ENAM: variants seen among roughly 807,000 people sequenced by gnomAD.
ENAM encodes amelogenesis imperfecta 2, hypocalcification (autosomal dominant).
A neutral mutation model predicts 33.6 loss-of-function variants in ENAM; 21 were observed. The ratio of observed to expected loss-of-function variants is 0.63; its 90% confidence interval spans 0.44 to 0.90. The LOEUF (loss-of-function observed/expected upper bound fraction) is 0.90. Among genes scored for constraint, ENAM ranks in the 40% least tolerant of loss-of-function variants. ENAM has a pLI of 0.00. For missense variants in ENAM, 1,388 were observed against 1,366.9 expected, an observed-to-expected ratio of 1.02 and a Z score of -0.24; for synonymous variants, 473 against 468.4, an observed-to-expected ratio of 1.01 and a Z score of -0.13.
intron 5 of ENAM, among the ~76,000 whole-genome samples, chr4:70,633,776 T>A (rs1226016278): frequency 6.6e-6 from 1 of 152,178 alleles, no homozygotes; most frequent in African/African-American, 2.4e-5. Context: ...GATAAAAAAA[T>A]GGATTTAATG....
Position 70,643,528 on chromosome 4 carries a change from C to A in ENAM, c.2102C>A (p.Pro701His). 3 of 1,613,924 alleles carry A rather than the reference C, an allele frequency of 1.9e-6. No homozygotes were observed. Among genetic ancestry groups the A allele is most frequent in the Non-Finnish European group, 2.5e-6 (3 of 1,179,886 alleles). ...TCAAATCAGCCAAAGGAATATCTTC[C>A]CTATTCTTTAGATAATCCATCAAAA... ...YTSNQPKEYL[P>H]YSLDNPSKPR... The change falls in exon 9 of 9, where the codon CCC becomes CAC. Residue 701 changes from proline to histidine, a missense_variant. Pro to His is a moderately conservative substitution (Grantham distance 77, BLOSUM62 -2). Coordinates refer to ENST00000396073, the MANE Select transcript of ENAM (RefSeq NM_031889.3).
chr4:70,638,479 G>C (rs1161901498), intron 8 of ENAM, among the ~76,000 whole-genome samples: 1 of 87,112 alleles, frequency 1.1e-5, no homozygotes. Context: ...TTTTTTTTGA[G>C]ACAGGTGGGA....
chr4:70,642,513 T>G lies in ENAM; in HGVS notation c.1087T>G (p.Phe363Val). The G allele has an allele frequency of 6.2e-7, 1 of 1,614,170 alleles. No homozygotes were observed. The highest frequency in any genetic ancestry group is 8.5e-7 in the Non-Finnish European group (1 of 1,180,036). ...AGTTCAAAGGGGTCCTCGGTGGAAC[T>G]TCTTTGCTTGGGAACGTAAACAAGT... ...QQVQRGPRWN[F>V]FAWERKQVAR... Residue 363 changes from phenylalanine to valine, a missense_variant, in exon 9 of 9, where the codon TTC becomes GTC. Physicochemically the swap from Phe to Val is conservative, Grantham distance 50 (BLOSUM62 -1). Transcript: ENST00000396073.
At chr4:70,633,640 T>A (rs1388215182) in intron 5 of ENAM, among the ~76,000 whole-genome samples, 1 of 152,212 alleles carries the variant, frequency 6.6e-6, no homozygotes, top group African/African-American at 2.4e-5. Context: ...GCAAGACTGA[T>A]CATTCATAAA....
rs980801928 is a variant in ENAM, at chr4:70,646,271, T to A, written c.*1416T>A. 1.3e-5 allele frequency: 2 copies of A among 152,172 alleles called. No individual in the cohort carries two copies. The highest frequency in any genetic ancestry group is 3.8e-4 in the East Asian group (2 of 5,202). 9.4% of individuals were successfully genotyped at this position (152,172 alleles called of 1,614,324 possible). ...TCTTATTAATAACATGTTGGCCTAT[T>A]ATCTGGATGTCCCTTGCCTAGAGCA... is the stretch of plus-strand genomic sequence containing the variant. On this transcript the variant is annotated 3_prime_UTR_variant, in exon 9 of 9. Transcript: ENST00000396073.
In ENAM at chr4:70,643,068, T is replaced by C. The variant is rs900365060; in HGVS notation, c.1642T>C (p.Tyr548His). ...GCACAGCTCATATCAGCCTGCTGTA[T>C]ACCCTGAGGAAATCCCTTCTCCTGC... ...LKHSSYQPAV[Y>H]PEEIPSPAKE... The change falls in exon 9 of 9, where the codon TAC becomes CAC. Residue 548 changes from tyrosine (Y) to histidine (H), a missense_variant. Coordinates refer to ENST00000396073, the MANE Select transcript of ENAM (RefSeq NM_031889.3). The C allele has an allele frequency of 1.2e-6, 2 of 1,614,038 alleles. No homozygotes were observed. The highest frequency in any genetic ancestry group is 1.7e-5 in the Admixed American group (1 of 60,016).
chr4:70,638,301 C>A (rs2553320), intron 8 of ENAM, among the ~76,000 whole-genome samples: 28,697 of 151,884 alleles, frequency 0.19, 6,432 homozygotes, highest in African/African-American at 0.55. Context: ...AATATTCCAG[C>A]TCTATGTCAT....
At chr4:70,638,786 C>A (rs569542127) in intron 8 of ENAM, among the ~76,000 whole-genome samples, 66 of 148,670 alleles carry the variant, frequency 4.4e-4, no homozygotes, top group African/African-American at 1.6e-3. Flanking sequence ...TCTTTTCTTT[C>A]TTTCTTTCTT....
At position 70,642,498 on chromosome 4, in the gene ENAM, G is replaced by A. The variant is rs147295492; in HGVS notation, c.1072G>A (p.Gly358Ser). ...TTACAGAAATCAACAAGTTCAAAGGGGTCCTCGGTGGAACTTCTTTGCTTG... is the reference window on the plus strand; with the variant it reads ...TTACAGAAATCAACAAGTTCAAAGGAGTCCTCGGTGGAACTTCTTTGCTTG... ...PFYRNQQVQR[G>S]PRWNFFAWER... The change falls in exon 9 of 9, where the codon GGT becomes AGT. Residue 358 changes from glycine to serine, a missense_variant. Physicochemically the swap from Gly to Ser is moderately conservative, Grantham distance 56. Coordinates refer to ENST00000396073, the MANE Select transcript of ENAM (RefSeq NM_031889.3). 107 of 1,614,016 alleles carry A rather than the reference G, an allele frequency of 6.6e-5. No individual in the cohort carries two copies. In the East Asian group the frequency reaches 2.1e-3, roughly 32 times the overall value.
chr4:70,631,699 G>C lies in ENAM; in HGVS notation c.84G>C (p.Leu28=), dbSNP rs1314644856. 2 of 1,613,442 alleles carry C rather than the reference G, an allele frequency of 1.2e-6. No individual in the cohort carries two copies. The highest frequency in any genetic ancestry group is 1.7e-6 in the Non-Finnish European group (2 of 1,179,446). Residue 28 remains leucine (L), a synonymous_variant, in exon 3 of 9, where the codon CTG becomes CTC. Transcript: ENST00000396073. ...LVPKGKMKIL[L]VFLGLLGNSV... The stretch of plus-strand genomic sequence containing the variant: ...CAAAAGGCAAAATGAAGATTCTCCT[G>C]GTCTTTCTAGGGCTTCTTGGTAATT...
intron 5 of ENAM, among the ~76,000 whole-genome samples, chr4:70,633,533 A>G (rs919253691): frequency 3.3e-5 from 5 of 152,192 alleles, no homozygotes; most frequent in Admixed American, 6.5e-5. Flanking sequence ...AAGCGTGGGT[A>G]CATCATCTAA....
At position 70,635,524 on chromosome 4, in the gene ENAM, G is replaced by T. The variant is rs555309804; in HGVS notation, c.472-308G>T. ...TGATTTACGAGCAATGAGATTTTGGGCAAGTGACCAAACTTCTCTGAACTT... is the reference window on the plus strand; with the variant it reads ...TGATTTACGAGCAATGAGATTTTGGTCAAGTGACCAAACTTCTCTGAACTT... On this transcript the variant is annotated intron_variant, in intron 6 of 8. Transcript: ENST00000396073. Among the ~76,000 whole-genome samples, 4 of 152,284 alleles carry T rather than the reference G, an allele frequency of 2.6e-5. No homozygotes were observed. The East Asian group carries it at 7.7e-4, about 29-fold the overall frequency.
intron 1 of ENAM, among the ~76,000 whole-genome samples, 183 bp downstream of exon 1, chr4:70,629,147 T>C (rs1352026005): frequency 6.6e-6 from 1 of 152,152 alleles, no homozygotes; most frequent in African/African-American, 2.4e-5. Flanking sequence ...GTTTTTCTTG[T>C]AAGTTTTTTC....
intron 1 of ENAM, among the ~76,000 whole-genome samples, chr4:70,629,172 C>A (rs1411735685): frequency 1.3e-5 from 2 of 152,054 alleles, no homozygotes; most frequent in Non-Finnish European, 2.9e-5. Flanking sequence ...CTTCTTAGAC[C>A]TCCTTTACTA....
chr4:70,634,754 C>CTGT (rs1180936390), intron 6 of ENAM, among the ~76,000 whole-genome samples, 186 bp downstream of exon 6: 3 of 152,176 alleles, frequency 2.0e-5, no homozygotes, highest in African/African-American at 7.2e-5. Context: ...TACCCAAATA[C>CTGT]TGTTGCCTTT....
Position 70,628,764 on chromosome 4 carries a change from T to C in ENAM, c.-261T>C, listed in dbSNP as rs145814085. The C allele has an allele frequency of 6.6e-6, 1 of 152,316 alleles. No homozygotes were observed. The highest frequency in any genetic ancestry group is 1.5e-5 in the Non-Finnish European group (1 of 68,034). 9.4% of individuals were successfully genotyped at this position (152,316 alleles called of 1,614,324 possible). A position where few individuals can be genotyped will look rare whatever the true frequency, so the allele number is the denominator to read the frequency against. On this transcript the variant is annotated 5_prime_UTR_variant, in exon 1 of 9. Transcript: ENST00000396073. ...GGAATCTTTTTATTTTGAGCCTTTT[T>C]GATACTGAACATGATATCTGAGTGA...
rs188794413 is a variant in ENAM at position 70,634,609 on chromosome 4, T to G, written c.471+41T>G. On this transcript the variant is annotated intron_variant, in intron 6 of 8. Transcript: ENST00000396073. ...AAAAATTCCATATCTGTAAATGGCC[T>G]CGGAGAGATTTGGAGGGCCATGCCA... The G allele has an allele frequency of 2.5e-3, 4,025 of 1,605,314 alleles. 14 individuals are homozygous for G. The highest frequency in any genetic ancestry group is 3.4e-3 in the Admixed American group (202 of 60,002).
rs1262801733 is a variant in ENAM at position 70,642,515 on chromosome 4, C to A, written c.1089C>A (p.Phe363Leu). 1.2e-6 allele frequency: 2 copies of A among 1,613,996 alleles called. No individual in the cohort carries two copies. The highest frequency in any genetic ancestry group is 2.7e-5 in the African/African-American group (2 of 74,912). ...TTCAAAGGGGTCCTCGGTGGAACTTCTTTGCTTGGGAACGTAAACAAGTAG... is the reference window on the plus strand; with the variant it reads ...TTCAAAGGGGTCCTCGGTGGAACTTATTTGCTTGGGAACGTAAACAAGTAG... ...QQVQRGPRWN[F>L]FAWERKQVAR... Residue 363 changes from phenylalanine to leucine, a missense_variant, in exon 9 of 9, where the codon TTC becomes TTA. By Grantham distance (22) the Phe-to-Leu change is conservative. Transcript: ENST00000396073.
At position 70,644,782 on chromosome 4, in the gene ENAM, G is replaced by A; in HGVS notation, c.3356G>A (p.Ser1119Asn). The A allele has an allele frequency of 6.2e-7, 1 of 1,614,082 alleles. No individual in the cohort carries two copies. Residue 1119 changes from serine (S) to asparagine (N), a missense_variant, in exon 9 of 9, where the codon AGT (serine) becomes AAT (asparagine). Transcript: ENST00000396073. ...GACCCACTTGATGCAGATGAACACA[G>A]TCCATTTGAATTCCTTCAAAGAGGG... ...NVDPLDADEH[S>N]PFEFLQRGTN... is the part of the protein sequence containing the mutation.
Sources: gnomAD v4.1 joint callset for allele counts (sites outside exome capture counted in the v4.1 genomes callset) on GRCh38, gnomAD v4.1.1 for gene constraint, MANE v1.5 for transcripts, NCBI Gene and HGNC (gene_info 2026-07-23, HGNC 2026-07-21) for gene names.